The following FABP3 variants were observed in gnomAD, a reference collection of about 807,000 sequenced individuals.
FABP3 encodes the protein fatty acid-binding protein, heart.
A neutral mutation model predicts 13.4 loss-of-function variants in FABP3; 8 were observed. The observed-to-expected ratio is 0.60, with a 90% confidence interval of 0.35 to 1.07. FABP3 has a LOEUF of 1.07. Ranked by LOEUF, FABP3 falls within the 50% of genes least tolerant of loss-of-function variation. The pLI is 0.02. For synonymous variants in FABP3, 64 were observed against 60.0 expected (o/e 1.07, Z -0.31); for missense variants, 135 against 164.7 (o/e 0.82, Z 0.99).
the FABP3 span, among the ~76,000 whole-genome samples, chr1:31,359,919 G>C: frequency 6.6e-6 from 1 of 151,714 alleles, no homozygotes; most frequent in Non-Finnish European, 1.5e-5. Context: ...GCAGAAGCTT[G>C]GTTCATCTTC....
intron 2 of FABP3, among the ~76,000 whole-genome samples, chr1:31,368,900 A>G (rs1263434885): frequency 6.6e-6 from 1 of 152,232 alleles, no homozygotes; most frequent in African/African-American, 2.4e-5. Flanking sequence ...GCATCTGAGT[A>G]GGTGCTTCTA....
Position 31,373,057 on chromosome 1 carries a change from C to T in FABP3, c.-43G>A, listed in dbSNP as rs773178169. The stretch of plus-strand genomic sequence containing the variant: ...CTGAGAGAAGCTACAAGAGAGCAGG[C>T]GTGCAAGGGCTCCGACGGCGGCTCC... On this transcript the variant is annotated 5_prime_UTR_variant, in exon 1 of 4. Transcript: ENST00000373713. The T allele has an allele frequency of 6.3e-7, 1 of 1,592,932 alleles. No homozygotes were observed. The highest frequency in any genetic ancestry group is 1.1e-5 in the South Asian group (1 of 90,658).
chr1:31,367,249 A>G (rs1640129582), intron 3 of FABP3, 144 bp downstream of exon 3: 6 of 732,206 alleles, frequency 8.2e-6, no homozygotes, highest in Non-Finnish European at 1.5e-5. Flanking sequence ...GAAAATTCCC[A>G]CCTGATACCA....
downstream of FABP3, chr1:31,364,408 C>G: frequency 1.3e-6 from 1 of 787,040 alleles, no homozygotes; most frequent in Non-Finnish European, 1.9e-6. Flanking sequence ...CACTCCTGGT[C>G]CCTTTGCAAG....
intron 1 of FABP3, 143 bp downstream of exon 1, chr1:31,372,799 C>A (rs562238871): frequency 9.0e-6 from 7 of 775,478 alleles, no homozygotes; most frequent in Non-Finnish European, 1.5e-5. Context: ...ACAGGCCCCA[C>A]CTGCTCTAGG....
At chr1:31,364,117 G>A (rs1640038320), downstream of FABP3, 3 of 1,613,746 alleles carry the variant, frequency 1.9e-6, no homozygotes, top group Non-Finnish European at 2.5e-6. Context: ...AAGAGGGCAA[G>A]GCACACATCA....
At position 31,372,934 on chromosome 1, in the gene FABP3, T is replaced by C; in HGVS notation, c.73+8A>G. The C allele has an allele frequency of 6.2e-7, 1 of 1,612,746 alleles. No individual in the cohort carries two copies. The highest frequency in any genetic ancestry group is 8.5e-7 in the Non-Finnish European group (1 of 1,179,954). On this transcript the variant is annotated splice_region_variant and intron_variant, in intron 1 of 3. Transcript: ENST00000373713. ...AAGCCAACATCCTGAGCCCCGCGGC[T>C]TGCTCACCGAGTGACTTCATGTAGT... is the stretch of plus-strand genomic sequence containing the variant.
chr1:31,362,854 T>TA (rs1246231143), downstream of FABP3, among the ~76,000 whole-genome samples: 3 of 152,046 alleles, frequency 2.0e-5, no homozygotes, highest in Admixed American at 6.6e-5. Flanking sequence ...GATACTTGTT[T>TA]AAAAAAAATC....
chr1:31,366,050 CTATA>C (rs1640103876), intron 3 of FABP3, 111 bp from the exon 4 acceptor site: 2 of 835,652 alleles, frequency 2.4e-6, no homozygotes, highest in Non-Finnish European at 3.9e-6. Context: ...TATGTGCCGG[CTATA>C]TGTATGTATG....
At chr1:31,360,389 G>A (rs536053413), downstream of FABP3, among the ~76,000 whole-genome samples, 2 of 152,272 alleles carry the variant, frequency 1.3e-5, no homozygotes, top group East Asian at 3.9e-4. Context: ...GGCTAGTCTC[G>A]ACCTCCTGAC....
At chr1:31,360,103 C>G in the FABP3 span, among the ~76,000 whole-genome samples, 1 of 152,180 alleles carries the variant, frequency 6.6e-6, no homozygotes, top group African/African-American at 2.4e-5. Context: ...CCTCAGCCTC[C>G]CGAGTAGCTG....
chr1:31,364,565 G>A (rs1640059992), downstream of FABP3: 1 of 228,120 alleles, frequency 4.4e-6, no homozygotes, highest in Non-Finnish European at 8.8e-6. Context: ...AGGTGAGTTC[G>A]GCTGTAGTTA....
At chr1:31,362,232 T>C (rs1025201416), downstream of FABP3, among the ~76,000 whole-genome samples, 1 of 152,254 alleles carries the variant, frequency 6.6e-6, no homozygotes, top group African/African-American at 2.4e-5. Flanking sequence ...CAGGTCTATC[T>C]AACACCTGCT....
At chr1:31,368,191 AG>A (rs974788709) in intron 2 of FABP3, among the ~76,000 whole-genome samples, 8 of 152,230 alleles carry the variant, frequency 5.3e-5, no homozygotes, top group African/African-American at 1.9e-4. Context: ...GGGGGCCACA[AG>A]GCCAGGCTAA....
chr1:31,372,240 G>A (rs948983270), intron 1 of FABP3, among the ~76,000 whole-genome samples: 2 of 152,280 alleles, frequency 1.3e-5, no homozygotes, highest in East Asian at 3.9e-4. Flanking sequence ...GCACAGATAG[G>A]TGAGCCTTGG....
intron 3 of FABP3, 57 bp downstream of exon 3, chr1:31,367,336 G>T: frequency 7.1e-7 from 1 of 1,409,150 alleles, no homozygotes; most frequent in Non-Finnish European, 1.0e-6. Flanking sequence ...AACAGGCTTG[G>T]CTGAAAGAGC....
chr1:31,359,983 C>CTTTTT, the FABP3 span, among the ~76,000 whole-genome samples: 1 of 145,226 alleles, frequency 6.9e-6, no homozygotes, highest in Admixed American at 6.9e-5. Context: ...GAACTACAAC[C>CTTTTT]TTTTTTTTTT....
rs1296516090 is a variant in FABP3, at chr1:31,365,443, G to C, written c.*443C>G. On this transcript the variant is annotated 3_prime_UTR_variant, in exon 4 of 4. Coordinates refer to ENST00000373713, the MANE Select transcript of FABP3 (RefSeq NM_004102.5). ...TAGGTCATTTGACCATGGAGGGGGG[G>C]CAGTGTAAAGGCAACGTGTAGGTAC... Among the ~76,000 whole-genome samples the C allele has an allele frequency of 3.3e-5, 5 of 152,270 alleles. No individual in the cohort carries two copies. Among genetic ancestry groups the C allele is most frequent in the Middle Eastern group, 6.8e-3 (2 of 294 alleles).
downstream of FABP3, among the ~76,000 whole-genome samples, chr1:31,361,297 G>T (rs573080837): frequency 6.6e-6 from 1 of 152,340 alleles, no homozygotes; most frequent in South Asian, 2.1e-4. Flanking sequence ...GTCTCCTGTA[G>T]ATGCTTGGCC....
Sources: gnomAD v4.1 joint callset for allele counts (sites outside exome capture counted in the v4.1 genomes callset) on GRCh38, gnomAD v4.1.1 for gene constraint, MANE v1.5 for transcripts, NCBI Gene and HGNC (gene_info 2026-07-23, HGNC 2026-07-21) for gene names.